The following CILP variants were observed in gnomAD, a reference collection of about 807,000 sequenced individuals.
The protein encoded by CILP is cartilage intermediate layer protein.
A neutral mutation model predicts 82.5 loss-of-function variants in CILP; 75 were observed. The observed-to-expected ratio is 0.91, with a 90% CI of 0.75 to 1.10. The LOEUF is 1.10. Ranked by LOEUF, CILP falls within the 50% of genes least tolerant of loss-of-function variation. The pLI is 0.00. For synonymous variants in CILP, 530 were observed against 580.3 expected, an observed-to-expected ratio of 0.91 and a Z score of 1.25; for missense variants, 1,479 against 1,530.8, an observed-to-expected ratio of 0.97 and a Z score of 0.56.
At position 65,194,861 on chromosome 15, in the gene CILP, C is replaced by T. The variant is rs1178722984; in HGVS notation, c.*1870G>A. 7 of 145,384 alleles carry T rather than the reference C, an allele frequency of 4.8e-5. No individual in the cohort carries two copies. The highest frequency in any genetic ancestry group is 4.1e-4 in the East Asian group (2 of 4,870). 9.0% of individuals were successfully genotyped at this position (145,384 alleles called of 1,614,324 possible). A position where few individuals can be genotyped will look rare whatever the true frequency, so the allele number is the denominator to read the frequency against. On this transcript the variant is annotated 3_prime_UTR_variant, in exon 9 of 9. Transcript: ENST00000261883. ...GCCCACCTTCCCCAGCAACCCACCC[C>T]CCCCCGACCCTCCCCCTCCCCCCGT...
In CILP at chr15:65,204,497, G is replaced by GAC; in HGVS notation, c.688_689dup (p.Leu232ProfsTer16). ...AGGCTGGGGCACCTCCGGGAAGGGAGACAGCCCCATGAAGCATGAAGTCCT... is the reference window on the plus strand; with the variant it reads ...AGGCTGGGGCACCTCCGGGAAGGGAGACACAGCCCCATGAAGCATGAAGTCCT... On this transcript the variant is annotated frameshift_variant, in exon 6 of 9. Coordinates refer to ENST00000261883, the MANE Select transcript of CILP (RefSeq NM_003613.4). LOFTEE classifies it high-confidence loss of function. 6.2e-7 allele frequency: 1 copy of GAC among 1,613,914 alleles called. No homozygotes were observed. The highest frequency in any genetic ancestry group is 8.5e-7 in the Non-Finnish European group (1 of 1,179,958).
rs1241015564 is a variant in CILP, at chr15:65,209,803, T to TTCACAGAG, written c.-56_-49dup. On this transcript the variant is annotated 5_prime_UTR_variant, in exon 2 of 9. Coordinates refer to ENST00000261883, the MANE Select transcript of CILP (RefSeq NM_003613.4). ...CGTGGCAAGAGGTAGATGTGGGTGC[T>TTCACAGAG]TCACAGAGTCACTGACTCTGGAATG... 15 of 1,569,104 alleles carry TTCACAGAG rather than the reference T, an allele frequency of 9.6e-6. No individual in the cohort carries two copies. In the Admixed American group the frequency reaches 2.5e-4, roughly 26 times the overall value.
At position 65,197,437 on chromosome 15, in the gene CILP, TC is replaced by T. The variant is rs771888858; in HGVS notation, c.2848del (p.Glu950AsnfsTer9). Reference sequence around the variant, plus strand: ...CACCTTGATATAGCAGGCCCTGAATTCCATCGGCTTTGGCCACCATGCCAGA... The same window carrying T: ...CACCTTGATATAGCAGGCCCTGAATTCATCGGCTTTGGCCACCATGCCAGA... ...DYLAWWPKPMEFRACYIKVKI... is the reference protein window; with the variant it reads ...DYLAWWPKPMXFRACYIKVKI... On this transcript the variant is annotated frameshift_variant, in exon 9 of 9. Transcript: ENST00000261883. LOFTEE classifies it high-confidence loss of function. 1 of 1,614,232 alleles carries T rather than the reference TC, an allele frequency of 6.2e-7. No individual in the cohort carries two copies. The highest frequency in any genetic ancestry group is 1.3e-5 in the African/African-American group (1 of 75,074).
At position 65,196,668 on chromosome 15, in the gene CILP, G is replaced by T; in HGVS notation, c.*63C>A. On this transcript the variant is annotated 3_prime_UTR_variant, in exon 9 of 9. Transcript: ENST00000261883. ...TTAAATTAACCAAGTGACAGTTTGT[G>T]CATCAGTCTCACAATGGCTGTCACA... The T allele has an allele frequency of 7.4e-7, 1 of 1,349,792 alleles. No individual in the cohort carries two copies. The highest frequency in any genetic ancestry group is 1.0e-6 in the Non-Finnish European group (1 of 990,802). 83.6% of individuals were successfully genotyped at this position (1,349,792 alleles called of 1,614,324 possible). A position where few individuals can be genotyped will look rare whatever the true frequency, so the allele number is the denominator to read the frequency against.
chr15:65,197,934 A>G lies in CILP; in HGVS notation c.2352T>C (p.Thr784=), dbSNP rs1175040845. ...AGGCCCTAGGGTTGGACAAGAAGCC[A>G]GTTCTAGGCTCCAGGTTAATCACGG... The part of the protein sequence containing the change: ...VISVINLEPR[T]GFLSNPRAWG... Residue 784 remains threonine (T), a synonymous_variant, in exon 9 of 9, where the codon ACT becomes ACC. Coordinates refer to ENST00000261883, the MANE Select transcript of CILP (RefSeq NM_003613.4). The G allele has an allele frequency of 4.3e-6, 7 of 1,614,160 alleles. No homozygotes were observed. In the South Asian group the frequency reaches 6.6e-5, roughly 15 times the overall value.
intron 8 of CILP, among the ~76,000 whole-genome samples, chr15:65,201,554 C>T (rs1252203079): frequency 6.6e-6 from 1 of 151,816 alleles, no homozygotes; most frequent in African/African-American, 2.4e-5. Flanking sequence ...CATGGCGAAA[C>T]ACCATCTCTA....
chr15:65,202,161 T>A, intron 7 of CILP, 132 bp from the exon 8 acceptor site: 1 of 732,490 alleles, frequency 1.4e-6, no homozygotes, highest in Non-Finnish European at 2.1e-6. Context: ...CACCTTTGAC[T>A]TGGCTCATCC....
chr15:65,205,944 C>A (rs2088513649), intron 4 of CILP, among the ~76,000 whole-genome samples: 1 of 152,212 alleles, frequency 6.6e-6, no homozygotes, highest in Non-Finnish European at 1.5e-5. Context: ...TCACACCTTG[C>A]TCAGATCAGC....
chr15:65,203,196 A>C (rs1020897698), intron 7 of CILP, among the ~76,000 whole-genome samples, 166 bp downstream of exon 7: 1 of 151,926 alleles, frequency 6.6e-6, no homozygotes, highest in Non-Finnish European at 1.5e-5. Context: ...CTGGCTCCCA[A>C]CCCCATGGCT....
intron 1 of CILP, among the ~76,000 whole-genome samples, chr15:65,210,587 C>G (rs1595962639): frequency 6.6e-6 from 1 of 152,314 alleles, no homozygotes; most frequent in East Asian, 1.9e-4. Context: ...GCGTGCGTGG[C>G]CCAGGCCGCA....
intron 6 of CILP, among the ~76,000 whole-genome samples, chr15:65,203,720 G>A (rs1252498742): frequency 6.6e-6 from 1 of 152,168 alleles, no homozygotes; most frequent in Non-Finnish European, 1.5e-5. Context: ...GAAACAAGGG[G>A]ACCTTGTGTC....
chr15:65,200,177 T>A (rs1319289041), intron 8 of CILP, among the ~76,000 whole-genome samples: 2 of 152,216 alleles, frequency 1.3e-5, no homozygotes, highest in African/African-American at 4.8e-5. Flanking sequence ...ATTTAAAAAA[T>A]TTATCCTTTG....
At chr15:65,203,132 C>T (rs1001541937) in intron 7 of CILP, among the ~76,000 whole-genome samples, 16 of 152,122 alleles carry the variant, frequency 1.1e-4, no homozygotes, top group African/African-American at 7.2e-5. Flanking sequence ...CTACTGTGCC[C>T]GGCCAAAGGG....
chr15:65,206,633 A>T lies in CILP; in HGVS notation c.424+149T>A, dbSNP rs1167653585. On this transcript the variant is annotated intron_variant, in intron 4 of 8. Transcript: ENST00000261883. Reference sequence around the variant, plus strand: ...ATTATTACAGAGTCCAAGCATATGCATGTGTGTCACTACTTGTTATTATTA... The same window carrying T: ...ATTATTACAGAGTCCAAGCATATGCTTGTGTGTCACTACTTGTTATTATTA... The T allele has an allele frequency of 3.5e-6, 3 of 862,732 alleles. No homozygotes were observed. In the African/African-American group the frequency reaches 5.0e-5, roughly 15 times the overall value. The allele number at this position is 862,732 out of a possible 1,614,324, so 53.4% of individuals were successfully genotyped here.
At chr15:65,205,810 C>A (rs1257800649) in intron 4 of CILP, among the ~76,000 whole-genome samples, 9 of 152,218 alleles carry the variant, frequency 5.9e-5, no homozygotes, top group Non-Finnish European at 5.9e-5. Flanking sequence ...TATGGAAGGA[C>A]TCCCTGGGAA....
intron 4 of CILP, 132 bp from the exon 5 acceptor site, chr15:65,205,598 A>G: frequency 1.1e-6 from 1 of 926,176 alleles, no homozygotes; most frequent in Non-Finnish European, 1.6e-6. Context: ...ACTGATATTT[A>G]TATTTACTGC....
chr15:65,200,947 A>G (rs1302093914), intron 8 of CILP, among the ~76,000 whole-genome samples: 4 of 152,176 alleles, frequency 2.6e-5, no homozygotes, highest in Non-Finnish European at 5.9e-5. Flanking sequence ...GGTATCTACC[A>G]TCTATTAGAG....
At position 65,198,805 on chromosome 15, in the gene CILP, C is replaced by A; in HGVS notation, c.1481G>T (p.Gly494Val). The stretch of plus-strand genomic sequence containing the variant: ...CCCATTGTCAGCAGCACTGACACGG[C>A]CCCGCACGATGCTCCGAGTTTCCGT... ...RCTETRSIVRGRVSAADNGEP... is the reference protein window; with the variant it reads ...RCTETRSIVRVRVSAADNGEP... Residue 494 changes from glycine to valine, a missense_variant, in exon 9 of 9, where the codon GGC becomes GTC. Physicochemically the swap from Gly to Val is moderately radical, Grantham distance 109 (BLOSUM62 -3). Transcript: ENST00000261883. 4 of 1,614,164 alleles carry A rather than the reference C, an allele frequency of 2.5e-6. No homozygotes were observed. Among genetic ancestry groups the A allele is most frequent in the Non-Finnish European group, 3.4e-6 (4 of 1,180,046 alleles).
chr15:65,201,959 G>T lies in CILP; in HGVS notation c.1099C>A (p.Gln367Lys), dbSNP rs1566995037. The T allele has an allele frequency of 1.9e-6, 3 of 1,607,090 alleles. No individual in the cohort carries two copies. In the Admixed American group the frequency reaches 5.1e-5, roughly 27 times the overall value. ...HESKLVLRKL[Q>K]QHQAGEYFCK... is the part of the protein sequence containing the mutation. Reference sequence around the variant, plus strand: ...AAGTACTCCCCAGCCTGGTGCTGCTGCAGTTTCCTCAGCACCAGCTTGCTC... The same window carrying T: ...AAGTACTCCCCAGCCTGGTGCTGCTTCAGTTTCCTCAGCACCAGCTTGCTC... The change falls in exon 8 of 9, where the codon CAG becomes AAG. Residue 367 changes from glutamine to lysine, a missense_variant. Physicochemically the swap from Gln to Lys is moderately conservative, Grantham distance 53. Transcript: ENST00000261883.
Sources: allele counts gnomAD v4.1 joint callset (sites outside exome capture counted in the v4.1 genomes callset), GRCh38; gene constraint gnomAD v4.1.1; transcripts MANE v1.5; gene names NCBI Gene and HGNC (gene_info 2026-07-23, HGNC 2026-07-21).